KHDRBS2: variants seen among roughly 807,000 people sequenced by gnomAD.
The protein encoded by KHDRBS2 is KH domain-containing, RNA-binding, signal transduction-associated protein 2.
Under a neutral mutation model 44.3 loss-of-function variants are expected in KHDRBS2, and 26 were observed. The ratio of observed to expected loss-of-function variants is 0.59; its 90% CI spans 0.43 to 0.81. The LOEUF (loss-of-function observed/expected upper bound fraction) is 0.81, where lower values mean the gene tolerates loss of function less well. Ranked by LOEUF, KHDRBS2 falls within the 40% of genes least tolerant of loss-of-function variation. The pLI, the probability that KHDRBS2 is intolerant of heterozygous loss-of-function variation, is 0.00. For synonymous variants in KHDRBS2, 194 were observed against 151.1 expected, an observed-to-expected ratio of 1.28 and a Z score of -2.08; for missense variants, 476 against 433.1, an observed-to-expected ratio of 1.10 and a Z score of -0.88.
At chr6:61,817,020 A>G (rs1424081781) in intron 6 of KHDRBS2, 1 of 455,386 alleles carries the variant, frequency 2.2e-6, no homozygotes, top group South Asian at 1.6e-5. Flanking sequence ...AACATTAAGG[A>G]GAGGTACAGA....
intron 2 of KHDRBS2, among the ~76,000 whole-genome samples, chr6:62,110,160 A>C (rs1278303110): frequency 6.6e-6 from 1 of 152,090 alleles, no homozygotes. Context: ...AGAATTGTTT[A>C]CATTAAAAAG....
At chr6:61,869,491 T>A (rs1200268043) in intron 6 of KHDRBS2, among the ~76,000 whole-genome samples, 1 of 152,100 alleles carries the variant, frequency 6.6e-6, no homozygotes, top group African/African-American at 2.4e-5. Flanking sequence ...TAATGTACGT[T>A]AGGCAGAAGA....
chr6:61,855,343 A>C (rs1181545134), intron 6 of KHDRBS2, among the ~76,000 whole-genome samples: 1 of 152,038 alleles, frequency 6.6e-6, no homozygotes, highest in Non-Finnish European at 1.5e-5. Context: ...TTTTAGTTCA[A>C]ATCCCAGCTC....
intron 6 of KHDRBS2, among the ~76,000 whole-genome samples, chr6:61,747,828 T>C (rs532806432): frequency 6.6e-6 from 1 of 152,318 alleles, no homozygotes; most frequent in African/African-American, 2.4e-5. Context: ...CTGTTCTTAG[T>C]CATGACAGAA....
the KHDRBS2 span, among the ~76,000 whole-genome samples, chr6:61,636,282 C>G: frequency 6.6e-6 from 1 of 152,044 alleles, no homozygotes; most frequent in Admixed American, 6.6e-5. Flanking sequence ...TTTCTATTTA[C>G]TGTATCAGGT....
intron 7 of KHDRBS2, among the ~76,000 whole-genome samples, chr6:61,716,393 G>T (rs1771431287): frequency 6.6e-5 from 10 of 151,918 alleles, no homozygotes. Context: ...GTTGTACTTT[G>T]CTAAGACTCC....
At chr6:62,049,565 C>T (rs1376330605) in intron 2 of KHDRBS2, among the ~76,000 whole-genome samples, 1 of 150,630 alleles carries the variant, frequency 6.6e-6, no homozygotes, top group Non-Finnish European at 1.5e-5. Context: ...ACATAAATGT[C>T]ATCTTTTGGG....
intron 4 of KHDRBS2, among the ~76,000 whole-genome samples, chr6:61,908,381 T>A (rs7742387): frequency 0.39 from 59,441 of 151,882 alleles, 11,919 homozygotes; most frequent in Admixed American, 0.48. Flanking sequence ...ATACTTGTAA[T>A]CCCAGCACTT....
chr6:61,712,491 C>G (rs1366040346), intron 7 of KHDRBS2, among the ~76,000 whole-genome samples: 1 of 151,784 alleles, frequency 6.6e-6, no homozygotes, highest in Non-Finnish European at 1.5e-5. Flanking sequence ...TAGAGTTTCC[C>G]AATAAGCTGA....
At chr6:61,734,365 A>G (rs1399723570) in intron 6 of KHDRBS2, among the ~76,000 whole-genome samples, 5 of 152,114 alleles carry the variant, frequency 3.3e-5, no homozygotes, top group African/African-American at 1.2e-4. Flanking sequence ...TAATACAAAC[A>G]AGCTTATGTC....
chr6:61,596,324 C>T, the KHDRBS2 span, among the ~76,000 whole-genome samples: 4 of 152,080 alleles, frequency 2.6e-5, no homozygotes, highest in African/African-American at 4.8e-5. Context: ...AATAGTCCCA[C>T]GCAAAAAATT....
At chr6:61,662,878 G>C in the KHDRBS2 span, among the ~76,000 whole-genome samples, 2 of 151,844 alleles carry the variant, frequency 1.3e-5, no homozygotes, top group African/African-American at 4.8e-5. Context: ...AATACCATTT[G>C]ACCCAGCCAT....
chr6:61,546,428 T>A, the KHDRBS2 span, among the ~76,000 whole-genome samples: 6 of 152,184 alleles, frequency 3.9e-5, no homozygotes, highest in East Asian at 9.7e-4. Flanking sequence ...CATTGATAGG[T>A]TCTTGGAAAC....
At chr6:61,768,612 C>A (rs1366400524) in intron 6 of KHDRBS2, among the ~76,000 whole-genome samples, 5 of 151,752 alleles carry the variant, frequency 3.3e-5, no homozygotes, top group African/African-American at 1.2e-4. Flanking sequence ...TTCACTAATT[C>A]TTTCTTCTGC....
intron 4 of KHDRBS2, among the ~76,000 whole-genome samples, chr6:61,968,108 A>G (rs1166876093): frequency 6.6e-6 from 1 of 151,820 alleles, no homozygotes; most frequent in Non-Finnish European, 1.5e-5. Flanking sequence ...TAATTTAAAT[A>G]GTATTTTCTT....
chr6:62,284,634 C>T (rs941979321), intron 1 of KHDRBS2, among the ~76,000 whole-genome samples: 14 of 151,760 alleles, frequency 9.2e-5, no homozygotes, highest in African/African-American at 3.4e-4. Context: ...TAGCTTTTTC[C>T]CTGAAAACAG....
intron 3 of KHDRBS2, among the ~76,000 whole-genome samples, chr6:61,997,109 T>A (rs988647761): frequency 2.0e-5 from 3 of 152,148 alleles, no homozygotes; most frequent in Admixed American, 6.5e-5. Flanking sequence ...AACTAAAACA[T>A]TTCCCATTAT....
chr6:61,620,429 A>G, the KHDRBS2 span, among the ~76,000 whole-genome samples: 1 of 152,332 alleles, frequency 6.6e-6, no homozygotes, highest in South Asian at 2.1e-4. Context: ...GTTAGTAATT[A>G]CAGTGTTTTA....
the KHDRBS2 span, among the ~76,000 whole-genome samples, chr6:61,674,055 T>C: frequency 2.6e-5 from 4 of 151,964 alleles, no homozygotes; most frequent in South Asian, 8.3e-4. Context: ...GCTTTCATGC[T>C]TATTTAATCA....
Sources: allele counts gnomAD v4.1 joint callset (sites outside exome capture counted in the v4.1 genomes callset), GRCh38; gene constraint gnomAD v4.1.1; transcripts MANE v1.5; gene names NCBI Gene and HGNC (gene_info 2026-07-23, HGNC 2026-07-21).